The following NMD3 variants were observed in gnomAD, a reference collection of about 807,000 sequenced individuals.
NMD3 encodes 60S ribosomal export protein NMD3.
A neutral mutation model predicts 73.1 loss-of-function variants in NMD3; 47 were observed. That is an observed-to-expected ratio of 0.64 (90% confidence interval 0.51 to 0.82). NMD3 has a LOEUF of 0.82. NMD3 is among the 40% of genes least tolerant of loss of function. The pLI, the probability that NMD3 is intolerant of heterozygous loss-of-function variation, is 0.00. For missense variants in NMD3, 554 were observed against 612.5 expected, an observed-to-expected ratio of 0.90 and a Z score of 1.01; for synonymous variants, 210 against 194.5, an observed-to-expected ratio of 1.08 and a Z score of -0.66.
At chr3:161,243,251 ATAAT>A (rs1012469280) in intron 11 of NMD3, among the ~76,000 whole-genome samples, 9 of 152,350 alleles carry the variant, frequency 5.9e-5, no homozygotes, top group African/African-American at 1.7e-4. Context: ...GAGATTAACA[ATAAT>A]TAATAATAAA....
At chr3:161,250,377 T>C (rs1737434724) in intron 15 of NMD3, 51 bp downstream of exon 15, 2 of 1,049,990 alleles carry the variant, frequency 1.9e-6, no homozygotes, top group Admixed American at 4.4e-5. Context: ...TAAGTATAGT[T>C]CCTAGTATGA....
rs553168001 is a variant in NMD3, at chr3:161,242,792, T to C, written c.1017+139T>C. ...GCACCACATTAGGAAAAAAATTCTT[T>C]TTTTTTTTGTCTTTTTAATATGTGG... On this transcript the variant is annotated intron_variant, in intron 11 of 15. Transcript: ENST00000351193. The C allele has an allele frequency of 2.8e-3, 1,703 of 603,196 alleles. 6 individuals carry two copies. Among genetic ancestry groups the C allele is most frequent in the Non-Finnish European group, 4.0e-3 (1,492 of 375,074 alleles). 37.4% of individuals were successfully genotyped at this position (603,196 alleles called of 1,614,324 possible). A position where few individuals can be genotyped will look rare whatever the true frequency, so the allele number is the denominator to read the frequency against.
chr3:161,234,351 C>T (rs1357634098), intron 5 of NMD3, among the ~76,000 whole-genome samples: 1 of 151,490 alleles, frequency 6.6e-6, no homozygotes, highest in East Asian at 1.9e-4. Context: ...CACTTGAGCC[C>T]AGGAGGCAGA....
At chr3:161,250,691 G>GTAGA (rs1737448900) in intron 15 of NMD3, 89 bp from the exon 16 acceptor site, 1 of 753,090 alleles carries the variant, frequency 1.3e-6, no homozygotes, top group South Asian at 2.2e-5. Flanking sequence ...TAATGATAAG[G>GTAGA]TAGATATTTG....
intron 4 of NMD3, among the ~76,000 whole-genome samples, chr3:161,232,746 C>T (rs1485594404): frequency 2.0e-5 from 3 of 152,044 alleles, no homozygotes; most frequent in Non-Finnish European, 4.4e-5. Flanking sequence ...ATTTCCAGTG[C>T]CTCTCAGTTC....
chr3:161,225,163 T>A, intron 3 of NMD3, 99 bp downstream of exon 3: 2 of 1,263,920 alleles, frequency 1.6e-6, no homozygotes, highest in Non-Finnish European at 2.2e-6. Context: ...TGGAGTAAAG[T>A]GCATGCAATT....
intron 4 of NMD3, among the ~76,000 whole-genome samples, chr3:161,228,690 T>TA (rs1736422314): frequency 6.6e-6 from 1 of 152,182 alleles, no homozygotes; most frequent in African/African-American, 2.4e-5. Context: ...AGATGTTTAT[T>TA]AAGTACCAAC....
Position 161,241,046 on chromosome 3 carries a change from G to A in NMD3, c.754G>A (p.Asp252Asn), listed in dbSNP as rs1249765535. ...TCTAAATGTTAGTTCTTATGCCTAG[G>A]ATAATGTTGTCTGTCTGTCTCCAAA... Reference protein sequence around the residue: ...FSVEIVPICKDNVVCLSPKLA... With the variant: ...FSVEIVPICKNNVVCLSPKLA... The change falls in exon 10 of 16, where the codon GAT becomes AAT. Residue 252 changes from aspartate (D) to asparagine (N), a missense_variant and splice_region_variant. Transcript: ENST00000351193. 1 of 1,595,252 alleles carries A rather than the reference G, an allele frequency of 6.3e-7. No individual in the cohort carries two copies. The highest frequency in any genetic ancestry group is 1.3e-5 in the African/African-American group (1 of 74,516).
intron 4 of NMD3, 112 bp downstream of exon 4, chr3:161,227,455 T>C (rs1736366013): frequency 1.6e-6 from 1 of 639,936 alleles, no homozygotes; most frequent in African/African-American, 1.9e-5. Flanking sequence ...TTTTTTTTTT[T>C]TTTTTGAGGT....
rs189282390 is a variant in NMD3, at chr3:161,247,073, G to A, written c.1131-185G>A. ...AATAATTGATTATAAGTGAAACTCA[G>A]AGTTCCTTATTGTCTTTACCAGCAT... On this transcript the variant is annotated intron_variant, in intron 12 of 15. Transcript: ENST00000351193. Among the ~76,000 whole-genome samples, 13 of 152,252 alleles carry A rather than the reference G, an allele frequency of 8.5e-5. No homozygotes were observed. The East Asian group carries it at 2.1e-3, about 25-fold the overall frequency.
At chr3:161,237,473 A>C (rs1230418445) in intron 7 of NMD3, among the ~76,000 whole-genome samples, 2 of 149,890 alleles carry the variant, frequency 1.3e-5, no homozygotes, top group Non-Finnish European at 3.0e-5. Context: ...TTTGTTTTCT[A>C]TCTCTCAGAT....
intron 7 of NMD3, 118 bp from the exon 8 acceptor site, chr3:161,237,995 A>C (rs1430575348): frequency 1.5e-6 from 1 of 671,602 alleles, no homozygotes; most frequent in Non-Finnish European, 2.5e-6. Context: ...ACTACAATAG[A>C]GTTTTCTAAT....
rs775621949 is a variant in NMD3, at chr3:161,222,033, C to G, written c.20C>G (p.Ser7Cys). The G allele has an allele frequency of 5.1e-6, 8 of 1,560,332 alleles. No individual in the cohort carries two copies. In the East Asian group the frequency reaches 1.9e-4, roughly 37 times the overall value. Residue 7 changes from serine (S) to cysteine (C), a missense_variant, in exon 2 of 16, where the codon TCC (serine) becomes TGC (cysteine). Physicochemically the swap from Ser to Cys is moderately radical, Grantham distance 112. Transcript: ENST00000351193. Reference protein sequence around the residue: MEYMAESTDRSPGHILC... With the variant: MEYMAECTDRSPGHILC... ...AGAACGATGGAGTATATGGCAGAAT[C>G]CACCGACCGCAGCCCTGGACACATG...
At chr3:161,228,007 T>C (rs1736391106) in intron 4 of NMD3, among the ~76,000 whole-genome samples, 1 of 152,190 alleles carries the variant, frequency 6.6e-6, no homozygotes, top group Non-Finnish European at 1.5e-5. Context: ...ATTGTCATTA[T>C]TGATCTGGAA....
At chr3:161,227,516 C>T (rs556245024) in intron 4 of NMD3, among the ~76,000 whole-genome samples, 173 bp downstream of exon 4, 3 of 134,266 alleles carry the variant, frequency 2.2e-5, no homozygotes, top group African/African-American at 8.4e-5. Context: ...GGTGTGATCT[C>T]GGCTCACTGC....
intron 4 of NMD3, among the ~76,000 whole-genome samples, chr3:161,228,958 A>T (rs887022458): frequency 1.3e-5 from 2 of 152,220 alleles, no homozygotes; most frequent in African/African-American, 4.8e-5. Context: ...GGGCTCACTG[A>T]TAGGGTGACA....
chr3:161,242,299 T>G (rs575145628), intron 10 of NMD3, among the ~76,000 whole-genome samples: 1 of 152,178 alleles, frequency 6.6e-6, no homozygotes, highest in East Asian at 1.9e-4. Flanking sequence ...ATTTAAGATA[T>G]GTTTGACATC....
At chr3:161,230,674 T>C (rs1382999041) in intron 4 of NMD3, among the ~76,000 whole-genome samples, 1 of 152,216 alleles carries the variant, frequency 6.6e-6, no homozygotes, top group African/African-American at 2.4e-5. Context: ...TTTGGGAGGC[T>C]GTAATATTTC....
chr3:161,224,734 G>A (rs933378666), intron 2 of NMD3, among the ~76,000 whole-genome samples, 196 bp from the exon 3 acceptor site: 10 of 152,074 alleles, frequency 6.6e-5, no homozygotes, highest in Non-Finnish European at 1.5e-5. Context: ...TGATCTACCC[G>A]CCTCAGCCTC....
Sources: gnomAD v4.1 joint callset for allele counts (sites outside exome capture counted in the v4.1 genomes callset) on GRCh38, gnomAD v4.1.1 for gene constraint, MANE v1.5 for transcripts, NCBI Gene and HGNC (gene_info 2026-07-23, HGNC 2026-07-21) for gene names.